The following ARHGAP32 variants were observed in gnomAD, a reference collection of about 807,000 sequenced individuals.
The protein encoded by ARHGAP32 is Rho GTPase activating protein 32, also known as rho GTPase-activating protein 32.
A neutral mutation model predicts 186.5 loss-of-function variants in ARHGAP32; 51 were observed. The observed-to-expected ratio is 0.27, with a 90% CI of 0.22 to 0.35. The LOEUF is 0.35. ARHGAP32 is among the 10% of genes least tolerant of loss of function. ARHGAP32 has a pLI of 1.00. For synonymous variants in ARHGAP32, 950 were observed against 964.3 expected (o/e 0.99, Z 0.27); for missense variants, 2,186 against 2,623.5 (o/e 0.83, Z 3.64).
chr11:129,039,653 T>C (rs1247816049), intron 11 of ARHGAP32, among the ~76,000 whole-genome samples: 5 of 152,256 alleles, frequency 3.3e-5, no homozygotes, highest in African/African-American at 9.6e-5. Flanking sequence ...ACTGTGGTGA[T>C]GGCTGCACAA....
At chr11:129,129,464 G>A (rs7128111) in intron 2 of ARHGAP32, among the ~76,000 whole-genome samples, 1 of 145,220 alleles carries the variant, frequency 6.9e-6, no homozygotes, top group Non-Finnish European at 1.5e-5. Flanking sequence ...GGTGGGGGGC[G>A]CCTCTGCCCG....
At chr11:129,121,244 A>G (rs943734538) in intron 5 of ARHGAP32, among the ~76,000 whole-genome samples, 1 of 152,066 alleles carries the variant, frequency 6.6e-6, no homozygotes, top group African/African-American at 2.4e-5. Context: ...CTAGCCAAAG[A>G]GAGAACAGCA....
intron 6 of ARHGAP32, among the ~76,000 whole-genome samples, chr11:129,088,322 C>A (rs766304921): frequency 1.3e-5 from 2 of 152,194 alleles, no homozygotes; most frequent in Non-Finnish European, 2.9e-5. Context: ...TGGCTTACAC[C>A]TGTAATCCCA....
In ARHGAP32 at chr11:129,123,985, A is replaced by G. The variant is rs1942596922; in HGVS notation, c.318-56T>C. On this transcript the variant is annotated intron_variant, in intron 3 of 22. Coordinates refer to ENST00000682385, the MANE Select transcript of ARHGAP32 (RefSeq NM_001378024.1). The surrounding 1 kb of genome is among the most constrained non-coding windows in gnomAD (Gnocchi z 4.6). ...TCTTTCCTCTACTTACACATGAAGCATAACTATCTAACTCTACTAAGTGAA... is the reference window on the plus strand; with the variant it reads ...TCTTTCCTCTACTTACACATGAAGCGTAACTATCTAACTCTACTAAGTGAA... 3.3e-6 allele frequency: 4 copies of G among 1,195,526 alleles called. No homozygotes were observed. The highest frequency in any genetic ancestry group is 4.4e-6 in the Non-Finnish European group (4 of 909,256). The allele number at this position is 1,195,526 out of a possible 1,614,324, so 74.1% of individuals were successfully genotyped here.
chr11:129,125,933 C>A (rs1942649309), intron 2 of ARHGAP32: 1 of 439,384 alleles, frequency 2.3e-6, no homozygotes, highest in Admixed American at 2.6e-5. Flanking sequence ...AGTAATGAAA[C>A]AGAACTCATT....
At chr11:129,063,555 C>A (rs1295445156) in intron 9 of ARHGAP32, among the ~76,000 whole-genome samples, 4 of 151,982 alleles carry the variant, frequency 2.6e-5, no homozygotes, top group Non-Finnish European at 5.9e-5. Context: ...AAGAGGAGAA[C>A]AATCATGATT....
chr11:129,134,616 G>A (rs1942895339), intron 2 of ARHGAP32, among the ~76,000 whole-genome samples: 1 of 152,036 alleles, frequency 6.6e-6, no homozygotes, highest in African/African-American at 2.4e-5. Context: ...CAAATACCTA[G>A]GAACATTTCT....
At chr11:129,128,176 T>C (rs1460837153) in intron 2 of ARHGAP32, among the ~76,000 whole-genome samples, 1 of 152,232 alleles carries the variant, frequency 6.6e-6, no homozygotes, top group Non-Finnish European at 1.5e-5. Context: ...TGCTGATACT[T>C]TCCTTCATTA....
intron 1 of ARHGAP32, among the ~76,000 whole-genome samples, chr11:129,208,444 C>T (rs146680894): frequency 4.3e-4 from 65 of 152,208 alleles, no homozygotes; most frequent in Middle Eastern, 3.4e-3. Context: ...CTCCTCCCAC[C>T]GACTACCCAA....
intron 1 of ARHGAP32, among the ~76,000 whole-genome samples, chr11:129,269,251 A>G (rs953305866): frequency 1.3e-5 from 2 of 152,188 alleles, no homozygotes; most frequent in African/African-American, 2.4e-5. Context: ...AGCCTGGGTG[A>G]CAAAATGAGG....
chr11:129,004,123 C>T (rs1014789924), intron 11 of ARHGAP32, among the ~76,000 whole-genome samples: 1 of 151,746 alleles, frequency 6.6e-6, no homozygotes, highest in Non-Finnish European at 1.5e-5. Flanking sequence ...ATTGACTCAC[C>T]GTCTTTCAGG....
chr11:129,276,211 T>C (rs1412986221), intron 1 of ARHGAP32, among the ~76,000 whole-genome samples: 3 of 152,274 alleles, frequency 2.0e-5, no homozygotes, highest in Admixed American at 6.5e-5. Context: ...AAATTGCAAG[T>C]ACTACCGGTG....
intron 10 of ARHGAP32, among the ~76,000 whole-genome samples, chr11:129,057,777 G>A (rs914733224): frequency 2.0e-5 from 3 of 151,530 alleles, no homozygotes; most frequent in South Asian, 2.1e-4. Flanking sequence ...GATTAACTGC[G>A]TATTTAGAGA....
chr11:129,251,055 G>C (rs1945175981), intron 1 of ARHGAP32, among the ~76,000 whole-genome samples: 1 of 152,148 alleles, frequency 6.6e-6, no homozygotes, highest in African/African-American at 2.4e-5. Flanking sequence ...ATTTAAATCA[G>C]CAAGTTGCAA....
At chr11:129,064,048 G>T in intron 8 of ARHGAP32, 24 bp from the exon 9 acceptor site, 2 of 1,586,276 alleles carry the variant, frequency 1.3e-6, no homozygotes, top group South Asian at 2.3e-5. Flanking sequence ...AATGTACTAT[G>T]AGATAAAGAC....
intron 1 of ARHGAP32, among the ~76,000 whole-genome samples, chr11:129,274,635 A>G (rs1016589779): frequency 6.6e-6 from 1 of 152,214 alleles, no homozygotes; most frequent in Admixed American, 6.5e-5. Flanking sequence ...ATGTTAATAA[A>G]CCAGCATTTG....
At chr11:129,231,733 G>A (rs1286313634) in intron 1 of ARHGAP32, among the ~76,000 whole-genome samples, 1 of 152,086 alleles carries the variant, frequency 6.6e-6, no homozygotes, top group Non-Finnish European at 1.5e-5. Context: ...CCTAGAGTCA[G>A]CTAAGGCCTT....
chr11:129,035,926 G>A (rs1162513134), intron 11 of ARHGAP32, among the ~76,000 whole-genome samples: 4 of 152,098 alleles, frequency 2.6e-5, no homozygotes, highest in African/African-American at 7.2e-5. Context: ...TTGAAGGTAC[G>A]CTAGGTTTTT....
intron 12 of ARHGAP32, 56 bp from the exon 13 acceptor site, chr11:128,988,181 T>C: frequency 2.2e-6 from 3 of 1,335,606 alleles, no homozygotes; most frequent in Non-Finnish European, 3.1e-6. Flanking sequence ...GGAACCAAAG[T>C]TGCCAAAAAA....
Sources: allele counts gnomAD v4.1 joint callset (sites outside exome capture counted in the v4.1 genomes callset), GRCh38; gene constraint gnomAD v4.1.1; non-coding constraint Gnocchi (gnomAD v3.1); transcripts MANE v1.5; gene names NCBI Gene and HGNC (gene_info 2026-07-23, HGNC 2026-07-21).